CFAP251: variants seen among roughly 807,000 people sequenced by gnomAD.
The protein encoded by CFAP251 is cilia- and flagella-associated protein 251.
Under a neutral mutation model 126.7 loss-of-function variants are expected in CFAP251, and 93 were observed. The ratio of observed to expected loss-of-function variants is 0.73; its 90% CI spans 0.62 to 0.87. The LOEUF (loss-of-function observed/expected upper bound fraction) is 0.87, where lower values mean the gene tolerates loss of function less well. Among genes scored for constraint, CFAP251 ranks in the 40% least tolerant of loss-of-function variants. CFAP251 has a pLI of 0.00. For missense variants in CFAP251, 1,287 were observed against 1,389.2 expected (o/e 0.93, Z 1.17); for synonymous variants, 503 against 506.9 (o/e 0.99, Z 0.10).
At position 121,961,720 on chromosome 12, in the gene CFAP251, G is replaced by T. The variant is rs143066689; in HGVS notation, c.2308-258G>T. Reference sequence around the variant, plus strand: ...TGGGCAGAACAGTACCCCTTTGCAGGGAAGTTCTGAGGATGACATGACAGC... The same window carrying T: ...TGGGCAGAACAGTACCCCTTTGCAGTGAAGTTCTGAGGATGACATGACAGC... On this transcript the variant is annotated intron_variant, in intron 14 of 21. Coordinates refer to ENST00000288912, the MANE Select transcript of CFAP251 (RefSeq NM_144668.6). 2.2e-3 allele frequency among the ~76,000 whole-genome samples: 337 copies of T among 152,302 alleles called. 1 individual carries two copies. The highest frequency in any genetic ancestry group is 6.8e-3 in the Middle Eastern group (2 of 294).
chr12:121,956,834 G>C (rs897362891), intron 10 of CFAP251, among the ~76,000 whole-genome samples: 4 of 151,920 alleles, frequency 2.6e-5, no homozygotes, highest in Admixed American at 2.6e-4. Context: ...AAAGTAACTG[G>C]GTATCTGTAT....
chr12:121,954,027 A>G lies in CFAP251; in HGVS notation c.1321-93A>G, dbSNP rs973912385. 23 of 1,126,812 alleles carry G rather than the reference A, an allele frequency of 2.0e-5. No homozygotes were observed. The South Asian group carries it at 2.1e-4, about 10-fold the overall frequency. 69.8% of individuals were successfully genotyped at this position (1,126,812 alleles called of 1,614,324 possible). On this transcript the variant is annotated intron_variant, in intron 9 of 21. Transcript: ENST00000288912. ...TCTTTTTCTTTCTCTTTTTCTCACT[A>G]TATTTCAGCATAGCATTATAAAATA...
At chr12:121,968,243 C>G (rs952967882) in intron 17 of CFAP251, 74 bp downstream of exon 17, 12 of 1,444,194 alleles carry the variant, frequency 8.3e-6, no homozygotes, top group Non-Finnish European at 1.0e-5. Context: ...AGACACTGAA[C>G]CCTACTGCGT....
chr12:121,923,640 A>T lies in CFAP251; in HGVS notation c.397A>T (p.Lys133Ter). The T allele has an allele frequency of 6.2e-7, 1 of 1,607,604 alleles. No homozygotes were observed. The highest frequency in any genetic ancestry group is 8.5e-7 in the Non-Finnish European group (1 of 1,178,034). ...GIFPKTQRGS[K>*]SKLSLQLEDA... ...TTTAAAGAAAACCCAAAGAGGTAGC[A>T]AGTCAAAGCTTTCCTTACAATTGGA... The change falls in exon 3 of 22, where the codon AAG (lysine) becomes TAG (stop). Residue 133 changes from lysine to a stop codon, truncating the protein, a stop_gained. Transcript: ENST00000288912. LOFTEE classifies it high-confidence loss of function.
chr12:121,942,825 C>A, intron 6 of CFAP251, 70 bp from the exon 7 acceptor site: 5 of 1,551,846 alleles, frequency 3.2e-6, no homozygotes, highest in Non-Finnish European at 3.6e-6. Context: ...GGGGTCACCA[C>A]AAGAGGTGTA....
chr12:121,923,461 GT>G (rs1490829058), intron 2 of CFAP251, among the ~76,000 whole-genome samples, 160 bp from the exon 3 acceptor site: 3 of 152,106 alleles, frequency 2.0e-5, no homozygotes, highest in Non-Finnish European at 4.4e-5. Context: ...ACCCCATCTT[GT>G]TTTGTTTTTT....
chr12:121,986,504 T>C (rs909302592), intron 19 of CFAP251, among the ~76,000 whole-genome samples: 1 of 147,108 alleles, frequency 6.8e-6, no homozygotes, highest in African/African-American at 2.5e-5. Flanking sequence ...GGTTTCACCG[T>C]CTCTACAGTG....
In CFAP251 at chr12:121,958,487, G is replaced by A. The variant is rs1881807778; in HGVS notation, c.1946G>A (p.Gly649Glu). Residue 649 changes from glycine (G) to glutamate (E), a missense_variant, in exon 12 of 22, where the codon GGG becomes GAG. Transcript: ENST00000288912. ...CTTTTCAGCAGGGTTTTTGAGAAGG[G>A]GCTTGGAGTCCAGAGTCTGACCTAC... ...QYLFSRVFEK[G>E]LGVQSLTYNP... 3 of 1,614,030 alleles carry A rather than the reference G, an allele frequency of 1.9e-6. No homozygotes were observed. Among genetic ancestry groups the A allele is most frequent in the African/African-American group, 2.7e-5 (2 of 74,912 alleles).
At chr12:121,968,994 A>C in intron 17 of CFAP251, 3 of 985,258 alleles carry the variant, frequency 3.0e-6, no homozygotes, top group Non-Finnish European at 3.6e-6. Context: ...AGAGTCAACC[A>C]TGTGGCAGCC....
chr12:121,991,787 A>T (rs1452814372), intron 19 of CFAP251, among the ~76,000 whole-genome samples: 2 of 152,134 alleles, frequency 1.3e-5, no homozygotes, highest in African/African-American at 4.8e-5. Flanking sequence ...TGAAGTCAAG[A>T]GTTTGAGACC....
At position 121,931,727 on chromosome 12, in the gene CFAP251, C is replaced by A; in HGVS notation, c.748-19C>A. The A allele has an allele frequency of 6.5e-7, 1 of 1,539,426 alleles. No homozygotes were observed. Among genetic ancestry groups the A allele is most frequent in the South Asian group, 1.3e-5 (1 of 76,902 alleles). The stretch of plus-strand genomic sequence containing the variant: ...TGAACACGCTGTAATGTCTTGCTGG[C>A]TTTGCCCTTGTCTTCCAGACCATGA... On this transcript the variant is annotated intron_variant, in intron 3 of 21. Transcript: ENST00000288912.
intron 17 of CFAP251, chr12:121,971,538 A>G: frequency 2.8e-6 from 2 of 702,698 alleles, no homozygotes. Flanking sequence ...TCCATGTATC[A>G]TCTGATTTCA....
chr12:122,002,667 C>T (rs1485698603), intron 21 of CFAP251, among the ~76,000 whole-genome samples: 3 of 152,216 alleles, frequency 2.0e-5, no homozygotes, highest in African/African-American at 7.2e-5. Context: ...CCTGTCCCTT[C>T]CTGCTATAGC....
intron 13 of CFAP251, 66 bp from the exon 14 acceptor site, chr12:121,960,519 A>G (rs564788373): frequency 1.3e-6 from 2 of 1,580,490 alleles, no homozygotes; most frequent in South Asian, 1.1e-5. Context: ...CGCCTGGCCC[A>G]TAATGATGAT....
chr12:121,954,636 T>TAAAGAAA (rs1881651755), intron 10 of CFAP251, among the ~76,000 whole-genome samples: 1 of 41,980 alleles, frequency 2.4e-5, no homozygotes, highest in Non-Finnish European at 4.0e-5. Flanking sequence ...CCTCCTGTCT[T>TAAAGAAA]AAAAAAAAAA....
chr12:121,925,433 A>G (rs1403277539), intron 3 of CFAP251, among the ~76,000 whole-genome samples: 2 of 152,194 alleles, frequency 1.3e-5, no homozygotes. Context: ...GTAGTTCCTA[A>G]GACATAGTGA....
In CFAP251 at chr12:121,942,581, T is replaced by TCATGGC. The variant is rs1377215579; in HGVS notation, c.1057_1062dup (p.Ala353_Met354dup). ...GACAGCTGCCCTGAAGGGAATGGCA[T>TCATGGC]CATGGCCATGGCCATGACCCACGAC... On this transcript the variant is annotated inframe_insertion, in exon 6 of 22. Coordinates refer to ENST00000288912, the MANE Select transcript of CFAP251 (RefSeq NM_144668.6). The TCATGGC allele has an allele frequency of 1.2e-6, 2 of 1,613,962 alleles. No homozygotes were observed. The highest frequency in any genetic ancestry group is 1.7e-6 in the Non-Finnish European group (2 of 1,180,012).
At position 121,942,133 on chromosome 12, in the gene CFAP251, T is replaced by G. The variant is rs1471599877; in HGVS notation, c.999-401T>G. ...TCGCATAACATAAAACTGACCATTT[T>G]AAAGCATACGGTTCGGTGACATTTA... is the stretch of plus-strand genomic sequence containing the variant. On this transcript the variant is annotated intron_variant, in intron 5 of 21. Transcript: ENST00000288912. 2.6e-5 allele frequency among the ~76,000 whole-genome samples: 4 copies of G among 152,172 alleles called. No individual in the cohort carries two copies. In the East Asian group the frequency reaches 7.7e-4, roughly 29 times the overall value.
At chr12:121,971,532 T>C (rs1322899224) in intron 17 of CFAP251, 3 of 702,478 alleles carry the variant, frequency 4.3e-6, no homozygotes, top group African/African-American at 1.7e-5. Context: ...GTGAGTTCCA[T>C]GTATCATCTG....
Sources: gnomAD v4.1 joint callset for allele counts (sites outside exome capture counted in the v4.1 genomes callset) on GRCh38, gnomAD v4.1.1 for gene constraint, MANE v1.5 for transcripts, NCBI Gene and HGNC (gene_info 2026-07-23, HGNC 2026-07-21) for gene names.